SLC25A24: variants seen among roughly 807,000 people sequenced by gnomAD.
SLC25A24 encodes mitochondrial adenyl nucleotide antiporter SLC25A24.
SLC25A24 carries 49 observed loss-of-function variants against 60.7 expected under a neutral mutation model. The ratio of observed to expected loss-of-function variants is 0.81; its 90% CI spans 0.64 to 1.02. The LOEUF (loss-of-function observed/expected upper bound fraction) is 1.02, where lower values mean the gene tolerates loss of function less well. SLC25A24 is among the 50% of genes least tolerant of loss of function. SLC25A24 has a pLI of 0.00. For synonymous variants in SLC25A24, 202 were observed against 200.6 expected, an observed-to-expected ratio of 1.01 and a Z score of -0.06; for missense variants, 564 against 586.3, an observed-to-expected ratio of 0.96 and a Z score of 0.39.
intron 1 of SLC25A24, chr1:108,198,582 TATAAC>T (rs1648566605): frequency 1.3e-5 from 2 of 152,334 alleles, no homozygotes; most frequent in South Asian, 2.1e-4. Context: ...GACACAAACA[TATAAC>T]AGAATATGAT....
chr1:108,146,072 T>G (rs1385812480), intron 7 of SLC25A24, among the ~76,000 whole-genome samples: 2 of 152,246 alleles, frequency 1.3e-5, no homozygotes, highest in Non-Finnish European at 2.9e-5. Flanking sequence ...CATTTGTTTG[T>G]GTCCTCTCTT....
intron 5 of SLC25A24, 90 bp downstream of exon 5, chr1:108,157,372 G>T: frequency 7.2e-7 from 1 of 1,392,324 alleles, no homozygotes; most frequent in South Asian, 1.4e-5. Flanking sequence ...TTATTACTGA[G>T]AAATTTTAAA....
In SLC25A24 at chr1:108,200,276, C is replaced by G; in HGVS notation, c.-138G>C. 1 of 768,630 alleles carries G rather than the reference C, an allele frequency of 1.3e-6. No individual in the cohort carries two copies. Among genetic ancestry groups the G allele is most frequent in the Non-Finnish European group, 1.8e-6 (1 of 559,554 alleles). 47.6% of individuals were successfully genotyped at this position (768,630 alleles called of 1,614,324 possible). A position where few individuals can be genotyped will look rare whatever the true frequency, so the allele number is the denominator to read the frequency against. On this transcript the variant is annotated 5_prime_UTR_variant, in exon 1 of 10. Coordinates refer to ENST00000565488, the MANE Select transcript of SLC25A24 (RefSeq NM_013386.5). ...GTTTGGGGCGCCGTCGGGGTTGCGG[C>G]TGCGGCGCGCAGGGCGCAGGGCGCA...
intron 6 of SLC25A24, among the ~76,000 whole-genome samples, chr1:108,151,382 C>T (rs1269178761): frequency 6.6e-6 from 1 of 152,164 alleles, no homozygotes; most frequent in Non-Finnish European, 1.5e-5. Flanking sequence ...ACTTTAAGCT[C>T]ATTTCAGCAT....
At chr1:108,167,720 C>T (rs1647254865) in intron 3 of SLC25A24, among the ~76,000 whole-genome samples, 1 of 152,188 alleles carries the variant, frequency 6.6e-6, no homozygotes, top group Non-Finnish European at 1.5e-5. Flanking sequence ...GAACCCGGTA[C>T]CTCAGATGGA....
chr1:108,165,310 T>G (rs1680215362), intron 3 of SLC25A24, among the ~76,000 whole-genome samples: 2 of 152,328 alleles, frequency 1.3e-5, no homozygotes, highest in East Asian at 1.9e-4. Context: ...GTATTAGGTC[T>G]GCTTGGTGCA....
intron 3 of SLC25A24, among the ~76,000 whole-genome samples, chr1:108,176,791 A>T (rs988407505): frequency 6.6e-6 from 1 of 152,188 alleles, no homozygotes; most frequent in African/African-American, 2.4e-5. Flanking sequence ...TCCTTCAGAA[A>T]TGAAGGAGAG....
chr1:108,181,520 A>T (rs889809764), intron 3 of SLC25A24, among the ~76,000 whole-genome samples: 1 of 152,212 alleles, frequency 6.6e-6, no homozygotes, highest in Non-Finnish European at 1.5e-5. Context: ...TTTCTTTGTT[A>T]GCTTGGAGAG....
At chr1:108,168,875 C>T (rs1339742511) in intron 3 of SLC25A24, among the ~76,000 whole-genome samples, 1 of 151,948 alleles carries the variant, frequency 6.6e-6, no homozygotes, top group East Asian at 1.9e-4. Context: ...CTTTTCATTC[C>T]TATGTATGGC....
chr1:108,139,562 T>C (rs1021869373), intron 8 of SLC25A24, among the ~76,000 whole-genome samples: 1 of 152,246 alleles, frequency 6.6e-6, no homozygotes, highest in African/African-American at 2.4e-5. Flanking sequence ...ATTTGAGCCT[T>C]ACAGAAACTC....
chr1:108,175,891 G>A (rs1288422520), intron 3 of SLC25A24, among the ~76,000 whole-genome samples: 1 of 151,676 alleles, frequency 6.6e-6, no homozygotes, highest in East Asian at 1.9e-4. Context: ...ACTGTTGAAG[G>A]GCATTCTCAG....
At chr1:108,170,011 T>C (rs1338951681) in intron 3 of SLC25A24, among the ~76,000 whole-genome samples, 2 of 152,168 alleles carry the variant, frequency 1.3e-5, no homozygotes, top group Non-Finnish European at 2.9e-5. Flanking sequence ...GCATCTTTGC[T>C]ATATATTCTT....
chr1:108,168,119 T>C (rs1323942737), intron 3 of SLC25A24, among the ~76,000 whole-genome samples: 1 of 152,208 alleles, frequency 6.6e-6, no homozygotes, highest in Non-Finnish European at 1.5e-5. Flanking sequence ...ATGAAAATGA[T>C]GCAAAAGGAT....
At chr1:108,197,008 G>A (rs1648518238) in intron 1 of SLC25A24, among the ~76,000 whole-genome samples, 1 of 152,106 alleles carries the variant, frequency 6.6e-6, no homozygotes, top group South Asian at 2.1e-4. Context: ...AGTCCTAGGA[G>A]AACTTAATGT....
At chr1:108,184,365 G>C (rs1346503990) in intron 2 of SLC25A24, among the ~76,000 whole-genome samples, 1 of 152,200 alleles carries the variant, frequency 6.6e-6, no homozygotes, top group African/African-American at 2.4e-5. Context: ...AGTTTGCAGA[G>C]AAGAAAGAAA....
chr1:108,171,518 T>C (rs1427117629), intron 3 of SLC25A24, among the ~76,000 whole-genome samples: 1 of 152,178 alleles, frequency 6.6e-6, no homozygotes, highest in Non-Finnish European at 1.5e-5. Context: ...TCCCCATATA[T>C]GCTGCCTCCA....
intron 3 of SLC25A24, among the ~76,000 whole-genome samples, chr1:108,170,024 T>A (rs1176768802): frequency 6.6e-6 from 1 of 152,184 alleles, no homozygotes; most frequent in East Asian, 1.9e-4. Context: ...ATATTCTTTA[T>A]TATCTCCTTC....
intron 1 of SLC25A24, 118 bp from the exon 2 acceptor site, chr1:108,186,072 G>T (rs1648116940): frequency 1.5e-5 from 10 of 666,974 alleles, no homozygotes; most frequent in Non-Finnish European, 2.1e-5. Context: ...CCTATTTTTG[G>T]CCAGATGTAT....
chr1:108,198,184 T>A (rs1648553947), intron 1 of SLC25A24, among the ~76,000 whole-genome samples: 1 of 152,186 alleles, frequency 6.6e-6, no homozygotes, highest in Non-Finnish European at 1.5e-5. Flanking sequence ...AAATGTCTTT[T>A]CTTTATAAAT....
Sources: gnomAD v4.1 joint callset for allele counts (sites outside exome capture counted in the v4.1 genomes callset) on GRCh38, gnomAD v4.1.1 for gene constraint, MANE v1.5 for transcripts, NCBI Gene and HGNC (gene_info 2026-07-23, HGNC 2026-07-21) for gene names.